The following ARL10 variants were observed in gnomAD, a reference collection of about 807,000 sequenced individuals.
The protein encoded by ARL10 is ARF like GTPase 10, also known as ADP-ribosylation factor-like protein 10.
Under a neutral mutation model 26.1 loss-of-function variants are expected in ARL10, and 23 were observed. The ratio of observed to expected loss-of-function variants is 0.88; its 90% CI spans 0.63 to 1.25. The LOEUF is 1.25. Among genes scored for constraint, ARL10 ranks in the 50% most tolerant of loss-of-function variants. ARL10 has a pLI of 0.00. For synonymous variants in ARL10, 138 were observed against 149.1 expected, an observed-to-expected ratio of 0.93 and a Z score of 0.54; for missense variants, 300 against 323.6, an observed-to-expected ratio of 0.93 and a Z score of 0.56.
At chr5:176,412,528 C>T in the ARL10 span, among the ~76,000 whole-genome samples, 1 of 152,152 alleles carries the variant, frequency 6.6e-6, no homozygotes, top group Non-Finnish European at 1.5e-5. Flanking sequence ...TGCTGTGCCT[C>T]CTAGCAAAAA....
chr5:176,382,721 A>T (rs1322459397), downstream of ARL10, among the ~76,000 whole-genome samples: 2 of 152,044 alleles, frequency 1.3e-5, no homozygotes, highest in Admixed American at 1.3e-4. Flanking sequence ...TGATCATGTC[A>T]CTGCACTCCA....
chr5:176,375,223 C>CCCATCCACCCAT lies in ARL10; in HGVS notation c.*3335_*3336insCCCATCCATCCA, dbSNP rs1554124222. On this transcript the variant is annotated 3_prime_UTR_variant, in exon 4 of 4. Transcript: ENST00000310389. ...ATCCATCCACTCATCCACCCATCCACCCATCCATCCATCCATCCATCCATC... is the reference window on the plus strand; with the variant it reads ...ATCCATCCACTCATCCACCCATCCACCCATCCACCCATCCATCCATCCATCCATCCATCCATC... 1.1e-3 allele frequency: 100 copies of CCCATCCACCCAT among 90,540 alleles called. No individual in the cohort carries two copies. The highest frequency in any genetic ancestry group is 6.8e-3 in the Middle Eastern group (1 of 148). 5.6% of individuals were successfully genotyped at this position (90,540 alleles called of 1,614,324 possible). A position where few individuals can be genotyped will look rare whatever the true frequency, so the allele number is the denominator to read the frequency against.
chr5:176,409,960 C>A, the ARL10 span, among the ~76,000 whole-genome samples: 1 of 152,192 alleles, frequency 6.6e-6, no homozygotes, highest in Non-Finnish European at 1.5e-5. Context: ...AGGCCTTGCG[C>A]TGCCTTCATC....
At chr5:176,387,843 C>CAGGGAAGCCT (rs900926305) in intron 1 of ARL10, among the ~76,000 whole-genome samples, 1 of 152,104 alleles carries the variant, frequency 6.6e-6, no homozygotes, top group Non-Finnish European at 1.5e-5. Flanking sequence ...AGACTGCAGT[C>CAGGGAAGCCT]AGGGAAGCCT....
chr5:176,396,886 C>G (rs776013631), intron 1 of ARL10, among the ~76,000 whole-genome samples: 2 of 152,170 alleles, frequency 1.3e-5, no homozygotes, highest in African/African-American at 2.4e-5. Context: ...TCCCTGGCCC[C>G]CTGTTGCCTA....
At chr5:176,384,311 T>C, downstream of ARL10, 1 of 1,614,256 alleles carries the variant, frequency 6.2e-7, no homozygotes, top group Non-Finnish European at 8.5e-7. Context: ...TTATAGACGT[T>C]GATCTTACTC....
downstream of ARL10, among the ~76,000 whole-genome samples, chr5:176,390,554 C>T (rs529569307): frequency 6.6e-6 from 1 of 152,276 alleles, no homozygotes; most frequent in African/African-American, 2.4e-5. Context: ...CTCAGCCTCC[C>T]GAGTAGCTGG....
At chr5:176,410,163 G>T in the ARL10 span, 2 of 1,103,552 alleles carry the variant, frequency 1.8e-6, no homozygotes, top group Non-Finnish European at 2.7e-6. Flanking sequence ...ATGAACAGGA[G>T]AACCTGGAGC....
At position 176,368,610 on chromosome 5, in the gene ARL10, C is replaced by T. The variant is rs1303311444; in HGVS notation, c.386-197C>T. On this transcript the variant is annotated intron_variant, in intron 2 of 3. Coordinates refer to ENST00000310389, the MANE Select transcript of ARL10 (RefSeq NM_173664.6). This position sits in a 1 kb window ranked among gnomAD's most constrained non-coding sequence, Gnocchi z 4.1. ...CCAGTCTGAGTAGCTGCGGAAACTG[C>T]GGTCTTTTCCTTGCCCCCGGCTGGT... is the stretch of plus-strand genomic sequence containing the variant. 2.6e-5 allele frequency among the ~76,000 whole-genome samples: 4 copies of T among 151,752 alleles called. No individual in the cohort carries two copies. Among genetic ancestry groups the T allele is most frequent in the Non-Finnish European group, 5.9e-5 (4 of 67,956 alleles).
intron 3 of ARL10, among the ~76,000 whole-genome samples, chr5:176,371,370 A>G (rs1581394982): frequency 6.6e-6 from 1 of 152,306 alleles, no homozygotes; most frequent in Non-Finnish European, 1.5e-5. Context: ...GTGACAGAGC[A>G]AAACTCCGTC....
At position 176,376,066 on chromosome 5, in the gene ARL10, A is replaced by G. The variant is rs1312782440; in HGVS notation, c.*4171A>G. 1 of 151,688 alleles carries G rather than the reference A, an allele frequency of 6.6e-6. No homozygotes were observed. The highest frequency in any genetic ancestry group is 1.5e-5 in the Non-Finnish European group (1 of 67,902). The allele number at this position is 151,688 out of a possible 1,614,324, so 9.4% of individuals were successfully genotyped here. A position where few individuals can be genotyped will look rare whatever the true frequency, so the allele number is the denominator to read the frequency against. ...GAAGCAAGCAGTAGTGGTGTTTAGA[A>G]TATCAAGGTTAGCTGCTGGATGCGG... On this transcript the variant is annotated 3_prime_UTR_variant, in exon 4 of 4. Coordinates refer to ENST00000310389, the MANE Select transcript of ARL10 (RefSeq NM_173664.6).
downstream of ARL10, chr5:176,384,108 C>G (rs1324393683): frequency 6.2e-7 from 1 of 1,607,846 alleles, no homozygotes; most frequent in Non-Finnish European, 8.5e-7. Context: ...GTGTAACCTT[C>G]TGATTCCATG....
Position 176,372,827 on chromosome 5 carries a change from A to C in ARL10, c.*932A>C, listed in dbSNP as rs966010418. ...TTAATTTATAAGCAGAACAGGCCAGAGTTCTAGGCTCTGTTTCTAGGTGCT... is the reference window on the plus strand; with the variant it reads ...TTAATTTATAAGCAGAACAGGCCAGCGTTCTAGGCTCTGTTTCTAGGTGCT... On this transcript the variant is annotated 3_prime_UTR_variant, in exon 4 of 4. Coordinates refer to ENST00000310389, the MANE Select transcript of ARL10 (RefSeq NM_173664.6). 1.0e-5 allele frequency: 4 copies of C among 398,642 alleles called. No homozygotes were observed. The highest frequency in any genetic ancestry group is 8.2e-5 in the African/African-American group (4 of 48,636). The allele number at this position is 398,642 out of a possible 1,614,324, so 24.7% of individuals were successfully genotyped here.
rs555096900 is a variant in ARL10, at chr5:176,378,392, CA to C, written c.*6499del. 2.0e-5 allele frequency: 3 copies of C among 152,318 alleles called. No homozygotes were observed. The South Asian group carries it at 6.2e-4, about 32-fold the overall frequency. 9.4% of individuals were successfully genotyped at this position (152,318 alleles called of 1,614,324 possible). Reference sequence around the variant, plus strand: ...TTGTTATTTATTTTTCACCTTTACTCAAGATAGCTTGGAACTTATACCAATT... The same window carrying C: ...TTGTTATTTATTTTTCACCTTTACTCAGATAGCTTGGAACTTATACCAATT... On this transcript the variant is annotated 3_prime_UTR_variant, in exon 4 of 4. Transcript: ENST00000310389.
Position 176,368,978 on chromosome 5 carries a change from A to G in ARL10, c.557A>G (p.Lys186Arg). 1 of 1,613,754 alleles carries G rather than the reference A, an allele frequency of 6.2e-7. No homozygotes were observed. Among genetic ancestry groups the G allele is most frequent in the Non-Finnish European group, 8.5e-7 (1 of 1,179,952 alleles). ...CTGCCTGTCGTCGTGGTGGCCAACA[A>G]GCAGGTGAGGGCTGTGAGAGGGCAG... ...PDLPVVVVAN[K>R]QDLSEAMSMG... Residue 186 changes from lysine to arginine, a missense_variant, in exon 3 of 4, where the codon AAG (lysine) becomes AGG (arginine). Coordinates refer to ENST00000310389, the MANE Select transcript of ARL10 (RefSeq NM_173664.6). This position sits in a 1 kb window ranked among gnomAD's most constrained non-coding sequence, Gnocchi z 4.1.
downstream of ARL10, among the ~76,000 whole-genome samples, chr5:176,391,353 C>G (rs1581417667): frequency 6.6e-6 from 1 of 152,168 alleles, no homozygotes; most frequent in South Asian, 2.1e-4. Flanking sequence ...ATGGTTCATC[C>G]CTGTAATCCC....
At chr5:176,396,618 G>A in intron 1 of ARL10, 2 of 951,670 alleles carry the variant, frequency 2.1e-6, no homozygotes, top group Admixed American at 3.8e-5. Flanking sequence ...GAGAGAGAGA[G>A]AGAGACAGCA....
At chr5:176,405,924 A>T (rs1445936738), downstream of ARL10, 1 of 152,680 alleles carries the variant, frequency 6.5e-6, no homozygotes, top group Non-Finnish European at 1.4e-5. Flanking sequence ...CGTATGAGGG[A>T]CAGCATGGCT....
rs1037961228 is a variant in ARL10 at position 176,376,473 on chromosome 5, G to C, written c.*4578G>C. The C allele has an allele frequency of 1.3e-5, 2 of 152,112 alleles. No individual in the cohort carries two copies. Among genetic ancestry groups the C allele is most frequent in the Non-Finnish European group, 2.9e-5 (2 of 68,044 alleles). 9.4% of individuals were successfully genotyped at this position (152,112 alleles called of 1,614,324 possible). A position where few individuals can be genotyped will look rare whatever the true frequency, so the allele number is the denominator to read the frequency against. On this transcript the variant is annotated 3_prime_UTR_variant, in exon 4 of 4. Transcript: ENST00000310389. ...TTAATGGAATCGTTTCCTGATTTGA[G>C]CGTTAAGTCACAAACCCAACAGGAA...
Sources: gnomAD v4.1 joint callset for allele counts (sites outside exome capture counted in the v4.1 genomes callset) on GRCh38, gnomAD v4.1.1 for gene constraint, Gnocchi (gnomAD v3.1) non-coding constraint, MANE v1.5 for transcripts, NCBI Gene and HGNC (gene_info 2026-07-23, HGNC 2026-07-21) for gene names.